Variants in ACSM1 observed in about 807,000 individuals in gnomAD.
ACSM1 encodes the protein acyl-CoA synthetase medium chain family member 1, also known as acyl-coenzyme A synthetase ACSM1, mitochondrial.
A neutral mutation model predicts 75.8 loss-of-function variants in ACSM1; 79 were observed. The observed-to-expected ratio is 1.04, with a 90% CI of 0.87 to 1.26. ACSM1 has a LOEUF of 1.26. ACSM1 is among the 50% of genes most tolerant of loss of function. The probability of loss-of-function intolerance (pLI) is 0.00; values close to 1 mark genes in which losing one functional copy is unlikely to be tolerated. For synonymous variants in ACSM1, 279 were observed against 265.8 expected (o/e 1.05, Z -0.48); for missense variants, 676 against 720.1 (o/e 0.94, Z 0.70).
intron 7 of ACSM1, among the ~76,000 whole-genome samples, chr16:20,652,583 A>C (rs163263): frequency 0.48 from 72,367 of 151,874 alleles, 20,188 homozygotes; most frequent in East Asian, 0.86. Flanking sequence ...CACCGCTGAT[A>C]CCACAGAAAT....
At chr16:20,691,967 T>G (rs545708961) in intron 1 of ACSM1, among the ~76,000 whole-genome samples, 1 of 152,266 alleles carries the variant, frequency 6.6e-6, no homozygotes. Context: ...GTAAGAATCC[T>G]GCAGTCATTC....
intron 10 of ACSM1, among the ~76,000 whole-genome samples, chr16:20,636,385 AGAGTTCCCTGGAGGCTC>A (rs1567253037): frequency 6.6e-6 from 1 of 152,202 alleles, no homozygotes; most frequent in African/African-American, 2.4e-5. Flanking sequence ...ATGGGATAAT[AGAGTTCCCTGGAGGCTC>A]AGCGAGGATA....
At chr16:20,645,025 G>C (rs1251340075) in intron 7 of ACSM1, among the ~76,000 whole-genome samples, 1 of 152,186 alleles carries the variant, frequency 6.6e-6, no homozygotes, top group African/African-American at 2.4e-5. Flanking sequence ...GTTGTTTATG[G>C]GAGTGCATCT....
chr16:20,638,970 T>A (rs163236), intron 8 of ACSM1, among the ~76,000 whole-genome samples: 44,571 of 152,128 alleles, frequency 0.29, 7,993 homozygotes, highest in African/African-American at 0.5. Context: ...TGTCAGCATT[T>A]TTCAGGTCTG....
chr16:20,629,182 T>A (rs533827161), intron 10 of ACSM1, among the ~76,000 whole-genome samples: 1 of 152,180 alleles, frequency 6.6e-6, no homozygotes, highest in Non-Finnish European at 1.5e-5. Flanking sequence ...GTTATGGTTA[T>A]AAATGCCTTC....
intron 7 of ACSM1, among the ~76,000 whole-genome samples, chr16:20,657,005 T>C (rs952535546): frequency 2.0e-5 from 3 of 152,146 alleles, no homozygotes; most frequent in African/African-American, 7.2e-5. Context: ...TTCTGCTTCC[T>C]ATAAAATTAA....
rs1172274719 is a variant in ACSM1, at chr16:20,671,599, C to T, written c.684G>A (p.Gly228=). Reference sequence around the variant, plus strand: ...TTGCCATCTTGGGGAAGCCTGTGGTCCCACTGGTGAAGAAGATGACCATTG... The same window carrying T: ...TTGCCATCTTGGGGAAGCCTGTGGTTCCACTGGTGAAGAAGATGACCATTG... ...LDPMVIFFTS[G]TTGFPKMAKH... Residue 228 remains glycine (G), a synonymous_variant, in exon 5 of 14, where the codon GGG becomes GGA. Transcript: ENST00000520010. The T allele has an allele frequency of 3.1e-6, 5 of 1,613,708 alleles. No individual in the cohort carries two copies. The highest frequency in any genetic ancestry group is 1.7e-5 in the Admixed American group (1 of 59,978).
At position 20,624,137 on chromosome 16, in the gene ACSM1, G is replaced by A. The variant is rs1220596581; in HGVS notation, c.1606C>T (p.His536Tyr). ...TATGGGGCTGTCACTGACTTGACAT[G>A]CTGCTGCAGTTCCTTGGTCAGCTGA... ...KDQLTKELQQ[H>Y]VKSVTAPYKY... The change falls in exon 13 of 14, where the codon CAT becomes TAT. Residue 536 changes from histidine (H) to tyrosine (Y), a missense_variant. Coordinates refer to ENST00000520010, the MANE Select transcript of ACSM1 (RefSeq NM_001318890.3). 6.2e-7 allele frequency: 1 copy of A among 1,613,366 alleles called. No homozygotes were observed. Among genetic ancestry groups the A allele is most frequent in the Admixed American group, 1.7e-5 (1 of 60,004 alleles).
intron 7 of ACSM1, among the ~76,000 whole-genome samples, chr16:20,657,465 C>G (rs1328718195): frequency 6.6e-6 from 1 of 152,062 alleles, no homozygotes; most frequent in Non-Finnish European, 1.5e-5. Context: ...CCCACGACCA[C>G]GCCCAGCTAA....
intron 7 of ACSM1, 88 bp from the exon 8 acceptor site, chr16:20,640,672 T>A: frequency 6.4e-7 from 1 of 1,565,508 alleles, no homozygotes; most frequent in Non-Finnish European, 8.7e-7. Context: ...AGATCATTCA[T>A]CCTTCTAGTT....
Position 20,626,247 on chromosome 16 carries a change from A to T in ACSM1, c.1428-725T>A, listed in dbSNP as rs146945755. Among the ~76,000 whole-genome samples, 876 of 152,146 alleles carry T rather than the reference A, an allele frequency of 5.8e-3. 13 individuals carry two copies. The highest frequency in any genetic ancestry group is 0.02 in the African/African-American group (821 of 41,486). ...CTAAAAGTATAAAAATTAGCTGGAC[A>T]TGCTCACTTGAAGCCAGGAAGCAGA... On this transcript the variant is annotated intron_variant, in intron 11 of 13. Transcript: ENST00000520010.
chr16:20,677,509 C>T (rs2020360769), intron 4 of ACSM1, among the ~76,000 whole-genome samples: 1 of 152,214 alleles, frequency 6.6e-6, no homozygotes, highest in African/African-American at 2.4e-5. Context: ...AACCCGGCTA[C>T]CTTGCTCCTC....
At chr16:20,677,758 T>C in intron 4 of ACSM1, among the ~76,000 whole-genome samples, 1 of 152,128 alleles carries the variant, frequency 6.6e-6, no homozygotes. Flanking sequence ...AAAGCAGAGC[T>C]AATAGCTCTG....
intron 3 of ACSM1, 54 bp downstream of exon 3, chr16:20,685,139 C>A: frequency 2.5e-6 from 4 of 1,585,738 alleles, no homozygotes; most frequent in Non-Finnish European, 3.5e-6. Flanking sequence ...ATCTCAGGAC[C>A]CATTGGTTCT....
chr16:20,691,426 G>A (rs928251178), intron 1 of ACSM1, among the ~76,000 whole-genome samples, 187 bp from the exon 2 acceptor site: 3 of 152,146 alleles, frequency 2.0e-5, no homozygotes, highest in African/African-American at 4.8e-5. Context: ...AGAAAACGCT[G>A]GGGAGGTTAT....
intron 7 of ACSM1, among the ~76,000 whole-genome samples, chr16:20,644,825 G>C (rs1478017501): frequency 6.6e-6 from 1 of 152,214 alleles, no homozygotes; most frequent in African/African-American, 2.4e-5. Context: ...TTTGCTAAAA[G>C]TTAACGGTGT....
intron 1 of ACSM1, among the ~76,000 whole-genome samples, chr16:20,695,455 A>G (rs1394722763): frequency 6.6e-6 from 1 of 152,198 alleles, no homozygotes; most frequent in Non-Finnish European, 1.5e-5. Flanking sequence ...AAATTTCCTT[A>G]ACTTTTGGAG....
In ACSM1 at chr16:20,682,405, T is replaced by C. The variant is rs773565884; in HGVS notation, c.462A>G (p.Leu154=). ...CAATGCCCTTGGCTTTAGACAACTGTAGTCGATAGAGAATGTCTTTGGCCT... is the reference window on the plus strand; with the variant it reads ...CAATGCCCTTGGCTTTAGACAACTGCAGTCGATAGAGAATGTCTTTGGCCT... The part of the protein sequence containing the change: ...LLKAKDILYR[L]QLSKAKGIVT... Residue 154 remains leucine, a synonymous_variant, in exon 4 of 14, where the codon CTA becomes CTG. Transcript: ENST00000520010. 19 of 1,613,836 alleles carry C rather than the reference T, an allele frequency of 1.2e-5. No homozygotes were observed. Among genetic ancestry groups the C allele is most frequent in the African/African-American group, 1.1e-4 (8 of 74,892 alleles).
chr16:20,671,458 C>T, intron 5 of ACSM1, 73 bp downstream of exon 5: 1 of 1,424,814 alleles, frequency 7.0e-7, no homozygotes, highest in South Asian at 1.4e-5. Flanking sequence ...CACACACACA[C>T]ACACACACAC....
Sources: gnomAD v4.1 joint callset for allele counts (sites outside exome capture counted in the v4.1 genomes callset) on GRCh38, gnomAD v4.1.1 for gene constraint, MANE v1.5 for transcripts, NCBI Gene and HGNC (gene_info 2026-07-23, HGNC 2026-07-21) for gene names.